The following PACSIN1 variants were observed in gnomAD, a reference collection of about 807,000 sequenced individuals.
The protein encoded by PACSIN1 is protein kinase C and casein kinase substrate in neurons protein 1.
In PACSIN1, 15 loss-of-function variants were observed where a neutral mutation model predicts 59.5. The observed-to-expected ratio is 0.25, with a 90% CI of 0.17 to 0.39. The LOEUF (loss-of-function observed/expected upper bound fraction) is 0.39, where lower values mean the gene tolerates loss of function less well. Among genes scored for constraint, PACSIN1 ranks in the 10% least tolerant of loss-of-function variants. The probability of loss-of-function intolerance (pLI) is 1.00; values close to 1 mark genes in which losing one functional copy is unlikely to be tolerated. For missense variants in PACSIN1, 420 were observed against 580.2 expected (o/e 0.72, Z 2.84); for synonymous variants, 210 against 220.6 (o/e 0.95, Z 0.42).
At chr6:34,478,061 CTTTTT>C (rs58616178) in intron 1 of PACSIN1, among the ~76,000 whole-genome samples, 1 of 114,592 alleles carries the variant, frequency 8.7e-6, no homozygotes. Context: ...CCCCTTTATC[CTTTTT>C]TTTTTTTTTT....
Position 34,531,555 on chromosome 6 carries a change from C to A in PACSIN1, c.1038-45C>A. The A allele has an allele frequency of 6.3e-7, 1 of 1,583,710 alleles. No homozygotes were observed. Reference sequence around the variant, plus strand: ...GGAGGAGCGGTTAGCCCTCGGGATGCGGTACGGGGAGACATTGAAGCTGGC... The same window carrying A: ...GGAGGAGCGGTTAGCCCTCGGGATGAGGTACGGGGAGACATTGAAGCTGGC... On this transcript the variant is annotated intron_variant, in intron 8 of 9. Transcript: ENST00000244458. This position sits in a 1 kb window ranked among gnomAD's most constrained non-coding sequence, Gnocchi z 4.4.
chr6:34,470,787 A>G (rs6914721), intron 1 of PACSIN1, among the ~76,000 whole-genome samples: 46,567 of 151,978 alleles, frequency 0.31, 8,341 homozygotes, highest in African/African-American at 0.5. Flanking sequence ...CAGCATACTC[A>G]GGTAATTTTA....
rs1003367198 is a variant in PACSIN1 at position 34,475,760 on chromosome 6, C to G, written c.-64+9490C>G. Among the ~76,000 whole-genome samples, 23 of 152,188 alleles carry G rather than the reference C, an allele frequency of 1.5e-4. 2 individuals are homozygous for G. Among genetic ancestry groups the G allele is most frequent in the African/African-American group, 5.5e-4 (23 of 41,446 alleles). On this transcript the variant is annotated intron_variant, in intron 1 of 9. Coordinates refer to ENST00000244458, the MANE Select transcript of PACSIN1 (RefSeq NM_020804.5). The stretch of plus-strand genomic sequence containing the variant: ...TAGAAGGACACTGGCAGTACCCCCT[C>G]TACTTCCATATCCATTTCTGCTTTG...
At chr6:34,490,833 C>A (rs1026251637) in intron 1 of PACSIN1, among the ~76,000 whole-genome samples, 1 of 152,150 alleles carries the variant, frequency 6.6e-6, no homozygotes. Flanking sequence ...GCAGCCCTGG[C>A]GTTTCTGCTT....
chr6:34,490,026 G>T (rs1048817138), intron 1 of PACSIN1, among the ~76,000 whole-genome samples: 3 of 151,816 alleles, frequency 2.0e-5, no homozygotes, highest in Non-Finnish European at 2.9e-5. Context: ...CTTTCCATTG[G>T]GTTGCTGCCC....
In PACSIN1 at chr6:34,516,698, G is replaced by A. The variant is rs1213756350; in HGVS notation, c.-63-9545G>A. 2.6e-5 allele frequency among the ~76,000 whole-genome samples: 4 copies of A among 152,136 alleles called. No homozygotes were observed. Among genetic ancestry groups the A allele is most frequent in the South Asian group, 2.1e-4 (1 of 4,826 alleles). The stretch of plus-strand genomic sequence containing the variant: ...CCCCTGGCCTGCCTCCTCTAGGCCC[G>A]GGCCCCTCCCTGTCAGGTTGCTGCT... On this transcript the variant is annotated intron_variant, in intron 1 of 9. Transcript: ENST00000244458. The surrounding 1 kb of genome is among the most constrained non-coding windows in gnomAD (Gnocchi z 5.4).
intron 1 of PACSIN1, among the ~76,000 whole-genome samples, chr6:34,482,348 AG>A (rs764625788): frequency 1.4e-4 from 22 of 152,136 alleles, no homozygotes; most frequent in Non-Finnish European, 2.6e-4. Flanking sequence ...GGCCTCCCAA[AG>A]TGCTGGGATT....
At chr6:34,494,382 T>TG (rs1766918951) in intron 1 of PACSIN1, among the ~76,000 whole-genome samples, 1 of 152,202 alleles carries the variant, frequency 6.6e-6, no homozygotes, top group African/African-American at 2.4e-5. Context: ...AGGTGTCTTC[T>TG]GGGGGCCTTT....
intron 1 of PACSIN1, among the ~76,000 whole-genome samples, chr6:34,478,086 G>T (rs1766663713): frequency 1.5e-5 from 2 of 134,380 alleles, no homozygotes; most frequent in South Asian, 4.6e-4. Flanking sequence ...TTGAGACAAA[G>T]TCTCGCTCTG....
At chr6:34,480,412 A>G (rs1372819651) in intron 1 of PACSIN1, among the ~76,000 whole-genome samples, 2 of 150,034 alleles carry the variant, frequency 1.3e-5, no homozygotes, top group Admixed American at 1.3e-4. Context: ...TTTTGTAGAG[A>G]TGGGGCGCTC....
rs34111587 is a variant in PACSIN1 at position 34,483,001 on chromosome 6, C to CTTTTTTT, written c.-64+16745_-64+16751dup. The stretch of plus-strand genomic sequence containing the variant: ...TGCGCCCAGCCAACTCCATGTTTAA[C>CTTTTTTT]TTTTTTTTTTTTTTTTTTTTGAAAC... On this transcript the variant is annotated intron_variant, in intron 1 of 9. Transcript: ENST00000244458. Among the ~76,000 whole-genome samples, 6 of 112,012 alleles carry CTTTTTTT rather than the reference C, an allele frequency of 5.4e-5. No individual in the cohort carries two copies. In the East Asian group the frequency reaches 1.1e-3, roughly 20 times the overall value. 73.5% of individuals were successfully genotyped at this position (112,012 alleles called of 152,430 possible).
chr6:34,525,137 G>A lies in PACSIN1; in HGVS notation c.-63-1106G>A, dbSNP rs1767460646. 6.6e-6 allele frequency among the ~76,000 whole-genome samples: 1 copy of A among 152,236 alleles called. No individual in the cohort carries two copies. The highest frequency in any genetic ancestry group is 6.5e-5 in the Admixed American group (1 of 15,292). On this transcript the variant is annotated intron_variant, in intron 1 of 9. Transcript: ENST00000244458. This position sits in a 1 kb window ranked among gnomAD's most constrained non-coding sequence, Gnocchi z 4.9. Reference sequence around the variant, plus strand: ...ATTCAGACTCATTTCTTTGTCCCTTGATGAAATCCAGCCGTCCTCCCTCTC... The same window carrying A: ...ATTCAGACTCATTTCTTTGTCCCTTAATGAAATCCAGCCGTCCTCCCTCTC...
At position 34,528,680 on chromosome 6, in the gene PACSIN1, A is replaced by G. The variant is rs1396207577; in HGVS notation, c.259A>G (p.Ile87Val). The G allele has an allele frequency of 3.7e-6, 6 of 1,614,060 alleles. No homozygotes were observed. The highest frequency in any genetic ancestry group is 4.5e-5 in the East Asian group (2 of 44,874). ...YGSLERAWGA[I>V]MTEADKVSEL... The stretch of plus-strand genomic sequence containing the variant: ...CAGCCTGGAGCGGGCCTGGGGTGCC[A>G]TAATGACAGAGGCAGACAAGGTGAG... Residue 87 changes from isoleucine to valine, a missense_variant, in exon 4 of 10, where the codon ATA becomes GTA. Coordinates refer to ENST00000244458, the MANE Select transcript of PACSIN1 (RefSeq NM_020804.5).
Position 34,529,022 on chromosome 6 carries a change from G to C in PACSIN1, c.456+145G>C. ...ACAGGGGAGCAGCACTGCCTTCCAG[G>C]AAAAAATATTCACAGATGGGTAGGC... On this transcript the variant is annotated intron_variant, in intron 4 of 9. Transcript: ENST00000244458. The surrounding 1 kb of genome is among the most constrained non-coding windows in gnomAD (Gnocchi z 6.3). The C allele has an allele frequency of 1.5e-6, 1 of 675,088 alleles. No homozygotes were observed. Among genetic ancestry groups the C allele is most frequent in the Admixed American group, 2.7e-5 (1 of 36,424 alleles). 41.8% of individuals were successfully genotyped at this position (675,088 alleles called of 1,614,324 possible). A position where few individuals can be genotyped will look rare whatever the true frequency, so the allele number is the denominator to read the frequency against.
rs554889092 is a variant in PACSIN1, at chr6:34,487,163, C to T, written c.-64+20893C>T. ...TCCAGCCTGGGTGATGGAGTGAGAC[C>T]CTGTCTCAATCAGTCAATCAGTTAA... On this transcript the variant is annotated intron_variant, in intron 1 of 9. Coordinates refer to ENST00000244458, the MANE Select transcript of PACSIN1 (RefSeq NM_020804.5). Among the ~76,000 whole-genome samples, 3 of 152,044 alleles carry T rather than the reference C, an allele frequency of 2.0e-5. No individual in the cohort carries two copies. The South Asian group carries it at 6.2e-4, about 32-fold the overall frequency.
At position 34,518,150 on chromosome 6, in the gene PACSIN1, G is replaced by A. The variant is rs1179559313; in HGVS notation, c.-63-8093G>A. Among the ~76,000 whole-genome samples the A allele has an allele frequency of 1.3e-5, 2 of 152,258 alleles. No homozygotes were observed. The highest frequency in any genetic ancestry group is 3.9e-4 in the East Asian group (2 of 5,194). On this transcript the variant is annotated intron_variant, in intron 1 of 9. Coordinates refer to ENST00000244458, the MANE Select transcript of PACSIN1 (RefSeq NM_020804.5). The surrounding 1 kb of genome is among the most constrained non-coding windows in gnomAD (Gnocchi z 4.4). ...TGCTCTGCCCGGCCAGGCCCCGGAA[G>A]AGGGCAAGCTGCATGCATCCCACCC...
At position 34,531,847 on chromosome 6, in the gene PACSIN1, T is replaced by C. The variant is rs1019614613; in HGVS notation, c.1225+60T>C. The C allele has an allele frequency of 1.4e-6, 2 of 1,472,662 alleles. No homozygotes were observed. Among genetic ancestry groups the C allele is most frequent in the African/African-American group, 1.5e-5 (1 of 68,464 alleles). The allele number at this position is 1,472,662 out of a possible 1,614,324, so 91.2% of individuals were successfully genotyped here. On this transcript the variant is annotated intron_variant, in intron 9 of 9. Coordinates refer to ENST00000244458, the MANE Select transcript of PACSIN1 (RefSeq NM_020804.5). This position sits in a 1 kb window ranked among gnomAD's most constrained non-coding sequence, Gnocchi z 4.4. ...GCTTGGGCCTGGATTGGGTGTGTGG[T>C]GGTGCAGGGGCGGTGCCTGAGAGAG...
chr6:34,474,624 T>C (rs906161951), intron 1 of PACSIN1, among the ~76,000 whole-genome samples: 2 of 151,812 alleles, frequency 1.3e-5, no homozygotes, highest in African/African-American at 2.4e-5. Flanking sequence ...ACCCCATCTG[T>C]ACTAAAATTA....
At position 34,528,892 on chromosome 6, in the gene PACSIN1, CT is replaced by C. The variant is rs1435270346; in HGVS notation, c.456+16del. 2.8e-5 allele frequency: 20 copies of C among 704,660 alleles called. No homozygotes were observed. The highest frequency in any genetic ancestry group is 9.2e-5 in the East Asian group (2 of 21,728). 43.7% of individuals were successfully genotyped at this position (704,660 alleles called of 1,614,324 possible). ...AGATGAAGGAGGTGCTCAGTGGGTG[CT>C]GCCACGGGCGGGGTGGGGTGGGCCC... is the stretch of plus-strand genomic sequence containing the variant. On this transcript the variant is annotated intron_variant, in intron 4 of 9. Coordinates refer to ENST00000244458, the MANE Select transcript of PACSIN1 (RefSeq NM_020804.5).
Sources: allele counts gnomAD v4.1 joint callset (sites outside exome capture counted in the v4.1 genomes callset), GRCh38; gene constraint gnomAD v4.1.1; non-coding constraint Gnocchi (gnomAD v3.1); transcripts MANE v1.5; gene names NCBI Gene and HGNC (gene_info 2026-07-23, HGNC 2026-07-21).